Variants in IFT88 observed in about 807,000 individuals in gnomAD.
The protein encoded by IFT88 is intraflagellar transport 88, also known as intraflagellar transport protein 88 homolog.
A neutral mutation model predicts 119.5 loss-of-function variants in IFT88; 74 were observed. The observed-to-expected ratio is 0.62, with a 90% CI of 0.51 to 0.75. The LOEUF is 0.75. Ranked by LOEUF, IFT88 falls within the 30% of genes least tolerant of loss-of-function variation. The pLI is 0.00. For synonymous variants in IFT88, 279 were observed against 316.7 expected (o/e 0.88, Z 1.26); for missense variants, 961 against 977.7 (o/e 0.98, Z 0.23).
At chr13:20,568,130 TAGA>T in intron 1 of IFT88, 1 of 640,642 alleles carries the variant, frequency 1.6e-6, no homozygotes, top group Non-Finnish European at 2.8e-6. Context: ...AAGCTTGAAG[TAGA>T]CTGTCCATAG....
chr13:20,635,903 TAAAAA>T (rs1030046616), intron 16 of IFT88, among the ~76,000 whole-genome samples: 1 of 146,338 alleles, frequency 6.8e-6, no homozygotes, highest in African/African-American at 2.5e-5. Flanking sequence ...AAGTAAAAAA[TAAAAA>T]AAAAAGGAAA....
At chr13:20,612,499 CTAAA>C (rs2044736969) in intron 13 of IFT88, among the ~76,000 whole-genome samples, 2 of 152,114 alleles carry the variant, frequency 1.3e-5, no homozygotes, top group African/African-American at 4.8e-5. Context: ...TATAAAGATA[CTAAA>C]TAAATTATGT....
chr13:20,630,629 C>T (rs2140088721), intron 15 of IFT88, among the ~76,000 whole-genome samples: 1 of 152,154 alleles, frequency 6.6e-6, no homozygotes, highest in East Asian at 1.9e-4. Flanking sequence ...AAACTCCTGA[C>T]CTCAAGCAAT....
chr13:20,640,565 C>T (rs889985736), intron 17 of IFT88, among the ~76,000 whole-genome samples: 14 of 113,226 alleles, frequency 1.2e-4, no homozygotes, highest in East Asian at 4.2e-4. Context: ...AGAGCGACTC[C>T]GTCTCAAAAT....
At chr13:20,660,544 A>G (rs1487222823) in intron 22 of IFT88, among the ~76,000 whole-genome samples, 1 of 152,266 alleles carries the variant, frequency 6.6e-6, no homozygotes, top group South Asian at 2.1e-4. Flanking sequence ...AATAAGCTGG[A>G]GTGGGCAGTA....
At chr13:20,630,985 TG>T (rs35290473) in intron 15 of IFT88, 30 bp from the exon 16 acceptor site, 951,933 of 1,298,842 alleles carry the variant, frequency 0.73, 354,398 homozygotes, top group East Asian at 1. Context: ...CATATTACAG[TG>T]GTAGTAACCT....
At chr13:20,648,685 T>G (rs1281322593) in intron 20 of IFT88, among the ~76,000 whole-genome samples, 1 of 152,104 alleles carries the variant, frequency 6.6e-6, no homozygotes, top group Non-Finnish European at 1.5e-5. Flanking sequence ...ATAATCACAT[T>G]AAATATAAAT....
chr13:20,640,364 G>C (rs12877310), intron 17 of IFT88, among the ~76,000 whole-genome samples: 1 of 151,468 alleles, frequency 6.6e-6, no homozygotes, highest in Non-Finnish European at 1.5e-5. Flanking sequence ...ATGAGGTCAG[G>C]AGATCGAGAC....
intron 23 of IFT88, among the ~76,000 whole-genome samples, chr13:20,670,334 T>G (rs1310810345): frequency 6.6e-6 from 1 of 152,100 alleles, no homozygotes; most frequent in Non-Finnish European, 1.5e-5. Context: ...ACAAAAATTC[T>G]AATACTTAGG....
At chr13:20,630,888 C>T in intron 15 of IFT88, 128 bp from the exon 16 acceptor site, 1 of 510,598 alleles carries the variant, frequency 2.0e-6, no homozygotes, top group Non-Finnish European at 3.6e-6. Flanking sequence ...TTTTCTTGAA[C>T]ATCTTAATCC....
intron 1 of IFT88, among the ~76,000 whole-genome samples, chr13:20,571,057 A>G (rs1421735367): frequency 6.6e-6 from 1 of 152,062 alleles, no homozygotes; most frequent in African/African-American, 2.4e-5. Flanking sequence ...GTGGTGGCAC[A>G]ATCTCGGCCC....
chr13:20,639,474 A>G (rs1239365089), intron 17 of IFT88, among the ~76,000 whole-genome samples: 4 of 152,206 alleles, frequency 2.6e-5, no homozygotes, highest in African/African-American at 7.2e-5. Flanking sequence ...GGGAAGGCCT[A>G]CTGCCAACCT....
In IFT88 at chr13:20,597,754, A is replaced by AAAATATAT. The variant is rs1446969137; in HGVS notation, c.594+636_594+637insAATATATA. Reference sequence around the variant, plus strand: ...GAGCGAGACTCCGTCTCAAAAAAAAAATATATATATATATATTTTTTTTTT... The same window carrying AAAATATAT: ...GAGCGAGACTCCGTCTCAAAAAAAAAAAATATATATATATATATATATATTTTTTTTTT... On this transcript the variant is annotated intron_variant, in intron 9 of 25. Transcript: ENST00000351808. Among the ~76,000 whole-genome samples, 923 of 142,564 alleles carry AAAATATAT rather than the reference A, an allele frequency of 6.5e-3. 4 individuals carry two copies. The highest frequency in any genetic ancestry group is 9.8e-3 in the Non-Finnish European group (641 of 65,390). 93.5% of individuals were successfully genotyped at this position (142,564 alleles called of 152,430 possible).
In IFT88 at chr13:20,605,110, T is replaced by C. The variant is rs2043197634; in HGVS notation, c.1112+5T>C. 4 of 1,293,970 alleles carry C rather than the reference T, an allele frequency of 3.1e-6. No homozygotes were observed. The highest frequency in any genetic ancestry group is 4.4e-6 in the Non-Finnish European group (4 of 906,850). The allele number at this position is 1,293,970 out of a possible 1,614,324, so 80.2% of individuals were successfully genotyped here. A position where few individuals can be genotyped will look rare whatever the true frequency, so the allele number is the denominator to read the frequency against. ...CAGGCAAATGGAACGTGAAAGGTAA[T>C]ATTTTAAACTTAATAACGTAGTTAT... On this transcript the variant is annotated splice_donor_5th_base_variant and intron_variant, in intron 13 of 25. Transcript: ENST00000351808.
intron 24 of IFT88, among the ~76,000 whole-genome samples, chr13:20,682,963 C>T (rs2057491102): frequency 6.6e-6 from 1 of 152,090 alleles, no homozygotes; most frequent in Non-Finnish European, 1.5e-5. Flanking sequence ...CTATTAAAGG[C>T]CAATTTTTAG....
Position 20,691,271 on chromosome 13 carries a change from T to C in IFT88, c.*96T>C. 1 of 1,188,532 alleles carries C rather than the reference T, an allele frequency of 8.4e-7. No individual in the cohort carries two copies. Among genetic ancestry groups the C allele is most frequent in the Non-Finnish European group, 1.2e-6 (1 of 862,574 alleles). 73.6% of individuals were successfully genotyped at this position (1,188,532 alleles called of 1,614,324 possible). The stretch of plus-strand genomic sequence containing the variant: ...AAATATCTAACCTGTAATTATTTTT[T>C]TTCACTGTCAAAACTTAAGTAAGTG... On this transcript the variant is annotated 3_prime_UTR_variant, in exon 26 of 26. Transcript: ENST00000351808.
chr13:20,690,621 A>G, intron 24 of IFT88, 84 bp from the exon 25 acceptor site: 1 of 875,650 alleles, frequency 1.1e-6, no homozygotes, highest in Non-Finnish European at 1.9e-6. Flanking sequence ...TTTCTTGGCA[A>G]ATAAGTATGC....
intron 24 of IFT88, among the ~76,000 whole-genome samples, chr13:20,688,431 C>G (rs1365588895): frequency 6.6e-6 from 1 of 152,178 alleles, no homozygotes; most frequent in Non-Finnish European, 1.5e-5. Context: ...TTGATAATTC[C>G]TAACCATAAG....
intron 2 of IFT88, among the ~76,000 whole-genome samples, chr13:20,576,917 T>C (rs571434127): frequency 6.6e-6 from 1 of 152,328 alleles, no homozygotes; most frequent in African/African-American, 2.4e-5. Flanking sequence ...ATTGGTATTT[T>C]GATAGGTGTT....
Sources: gnomAD v4.1 joint callset for allele counts (sites outside exome capture counted in the v4.1 genomes callset) on GRCh38, gnomAD v4.1.1 for gene constraint, MANE v1.5 for transcripts, NCBI Gene and HGNC (gene_info 2026-07-23, HGNC 2026-07-21) for gene names.